The following GPC5 variants were observed in gnomAD, a reference collection of about 807,000 sequenced individuals.
The protein encoded by GPC5 is glypican-5.
In GPC5, 47 loss-of-function variants were observed where a neutral mutation model predicts 53.9. The ratio of observed to expected loss-of-function variants is 0.87; its 90% CI spans 0.69 to 1.11. The LOEUF (loss-of-function observed/expected upper bound fraction) is 1.11, where lower values mean the gene tolerates loss of function less well. GPC5 is among the 50% of genes most tolerant of loss of function. The pLI is 0.00. For synonymous variants in GPC5, 286 were observed against 263.3 expected, an observed-to-expected ratio of 1.09 and a Z score of -0.84; for missense variants, 748 against 713.1, an observed-to-expected ratio of 1.05 and a Z score of -0.56.
intron 2 of GPC5, among the ~76,000 whole-genome samples, chr13:91,619,001 T>C (rs1187112201): frequency 1.3e-5 from 2 of 152,074 alleles, no homozygotes; most frequent in South Asian, 2.1e-4. Flanking sequence ...ATTATAATTG[T>C]AGAAAATAAG....
intron 5 of GPC5, among the ~76,000 whole-genome samples, chr13:91,842,991 T>C (rs2038806899): frequency 6.6e-6 from 1 of 152,200 alleles, no homozygotes; most frequent in South Asian, 2.1e-4. Context: ...AATATTTCAA[T>C]GACTGTTTTA....
intron 7 of GPC5, among the ~76,000 whole-genome samples, chr13:92,396,819 T>C (rs1293921219): frequency 6.6e-6 from 1 of 152,226 alleles, no homozygotes; most frequent in African/African-American, 2.4e-5. Context: ...ACTGTGACCT[T>C]TGCATAGCTC....
chr13:91,885,273 T>TC (rs1006356994), intron 5 of GPC5, among the ~76,000 whole-genome samples: 1 of 152,238 alleles, frequency 6.6e-6, no homozygotes, highest in Non-Finnish European at 1.5e-5. Flanking sequence ...ATATTCTTAT[T>TC]CTCTTAAAAT....
At chr13:91,657,768 G>T (rs908088750) in intron 2 of GPC5, among the ~76,000 whole-genome samples, 1 of 152,060 alleles carries the variant, frequency 6.6e-6, no homozygotes, top group African/African-American at 2.4e-5. Flanking sequence ...CATCAACATG[G>T]AAATATTAGT....
At chr13:92,646,848 A>G (rs557622737) in intron 7 of GPC5, among the ~76,000 whole-genome samples, 2 of 132,532 alleles carry the variant, frequency 1.5e-5, no homozygotes, top group African/African-American at 2.5e-5. Context: ...GTGTGATTTT[A>G]TATATATGTA....
At chr13:92,448,899 T>TAAAACGGTG in intron 7 of GPC5, 1 of 54,118 alleles carries the variant, frequency 1.8e-5, no homozygotes, top group East Asian at 6.3e-4. Context: ...CCCACACAGT[T>TAAAACGGTG]ATACCCCACA....
At chr13:92,591,528 C>T (rs922174008) in intron 7 of GPC5, among the ~76,000 whole-genome samples, 35 of 152,116 alleles carry the variant, frequency 2.3e-4, no homozygotes, top group African/African-American at 7.0e-4. Flanking sequence ...AGTGTATGCT[C>T]ATTGTGAAAT....
intron 7 of GPC5, among the ~76,000 whole-genome samples, chr13:92,756,633 T>C (rs1318577607): frequency 1.4e-5 from 2 of 145,866 alleles, no homozygotes; most frequent in African/African-American, 5.1e-5. Flanking sequence ...TTCAGCAAAG[T>C]CTCAGGATAC....
intron 7 of GPC5, among the ~76,000 whole-genome samples, chr13:92,579,125 A>C (rs1035537733): frequency 3.3e-5 from 5 of 152,186 alleles, no homozygotes; most frequent in Non-Finnish European, 5.9e-5. Flanking sequence ...AATCTATTTT[A>C]AATACATAGC....
chr13:92,716,583 C>G (rs181021330), intron 7 of GPC5, among the ~76,000 whole-genome samples: 1 of 152,062 alleles, frequency 6.6e-6, no homozygotes, highest in African/African-American at 2.4e-5. Context: ...ATAGCTCTAT[C>G]CTGGTGCTTT....
At chr13:92,762,683 T>C (rs562938698) in intron 7 of GPC5, among the ~76,000 whole-genome samples, 1 of 152,284 alleles carries the variant, frequency 6.6e-6, no homozygotes, top group Non-Finnish European at 1.5e-5. Context: ...TCTTTGTCTC[T>C]TCTCACGAAA....
In GPC5 at chr13:91,408,782, A is replaced by G. The variant is rs190785570; in HGVS notation, c.163+9573A>G. Among the ~76,000 whole-genome samples the G allele has an allele frequency of 8.5e-5, 13 of 152,312 alleles. No individual in the cohort carries two copies. In the East Asian group the frequency reaches 2.1e-3, roughly 25 times the overall value. On this transcript the variant is annotated intron_variant, in intron 1 of 7. Transcript: ENST00000377067. ...TACTAGTTTTTCTCTCCTCTGTGCT[A>G]TAATAACCAAATCTATTTCAGTTCT... is the stretch of plus-strand genomic sequence containing the variant.
intron 7 of GPC5, among the ~76,000 whole-genome samples, chr13:92,246,798 G>T (rs1421495042): frequency 6.6e-6 from 1 of 152,088 alleles, no homozygotes; most frequent in African/African-American, 2.4e-5. Context: ...TAGACACAGT[G>T]TAATGTTTTT....
chr13:92,122,179 G>C (rs1185055772), intron 6 of GPC5, among the ~76,000 whole-genome samples: 1 of 152,126 alleles, frequency 6.6e-6, no homozygotes. Context: ...TATGTGGAGA[G>C]CAGGAAGCTT....
At chr13:91,837,817 A>G (rs1006225803) in intron 5 of GPC5, among the ~76,000 whole-genome samples, 2 of 152,144 alleles carry the variant, frequency 1.3e-5, no homozygotes, top group African/African-American at 4.8e-5. Flanking sequence ...CCAGGATTGA[A>G]AGTCTGAATC....
chr13:92,725,717 T>C (rs1379404099), intron 7 of GPC5, among the ~76,000 whole-genome samples: 3 of 151,600 alleles, frequency 2.0e-5, no homozygotes, highest in African/African-American at 7.3e-5. Flanking sequence ...GGGCATTACT[T>C]TGAACTAGTT....
chr13:92,522,529 A>C (rs1314870300), intron 7 of GPC5, among the ~76,000 whole-genome samples: 2 of 152,140 alleles, frequency 1.3e-5, no homozygotes. Flanking sequence ...CAAAAAAACA[A>C]ACACTGCAGG....
At chr13:92,330,563 A>T (rs978434300) in intron 7 of GPC5, among the ~76,000 whole-genome samples, 1 of 152,152 alleles carries the variant, frequency 6.6e-6, no homozygotes, top group African/African-American at 2.4e-5. Flanking sequence ...TGTTTCCCTG[A>T]CCTGGCAAGA....
intron 2 of GPC5, among the ~76,000 whole-genome samples, chr13:91,487,588 C>T (rs961530885): frequency 1.4e-4 from 21 of 152,170 alleles, no homozygotes; most frequent in Admixed American, 5.2e-4. Context: ...AATAGTATAC[C>T]GTGGTGTTAT....
Sources: gnomAD v4.1 joint callset for allele counts (sites outside exome capture counted in the v4.1 genomes callset) on GRCh38, gnomAD v4.1.1 for gene constraint, MANE v1.5 for transcripts, NCBI Gene and HGNC (gene_info 2026-07-23, HGNC 2026-07-21) for gene names.